Variants in ODAD4 observed in about 807,000 individuals in gnomAD.
The protein encoded by ODAD4 is outer dynein arm-docking complex subunit 4.
A neutral mutation model predicts 51.8 loss-of-function variants in ODAD4; 49 were observed. The observed-to-expected ratio is 0.95, with a 90% CI of 0.75 to 1.20. The LOEUF (loss-of-function observed/expected upper bound fraction) is 1.20. Ranked by LOEUF, ODAD4 falls within the 50% of genes most tolerant of loss-of-function variation. The pLI is 0.00. For missense variants in ODAD4, 590 were observed against 586.5 expected (o/e 1.01, Z -0.06); for synonymous variants, 235 against 221.3 (o/e 1.06, Z -0.55).
rs151042158 is a variant in ODAD4 at position 41,939,371 on chromosome 17, A to G, written c.1058+199A>G. Among the ~76,000 whole-genome samples the G allele has an allele frequency of 1.1e-4, 16 of 152,298 alleles. No homozygotes were observed. The South Asian group carries it at 2.3e-3, about 22-fold the overall frequency. ...CTAGACTGTTAGCTTTTTTGCCACCAAAAGGGTAGTGGCTCAAAATTCCAA... is the reference window on the plus strand; with the variant it reads ...CTAGACTGTTAGCTTTTTTGCCACCGAAAGGGTAGTGGCTCAAAATTCCAA... On this transcript the variant is annotated intron_variant, in intron 7 of 11. Coordinates refer to ENST00000377540, the MANE Select transcript of ODAD4 (RefSeq NM_031421.5).
In ODAD4 at chr17:41,935,320, C is replaced by G; in HGVS notation, c.218C>G (p.Ser73Trp). Residue 73 changes from serine (S) to tryptophan (W), a missense_variant, in exon 2 of 12, where the codon TCG becomes TGG. Around this residue, in one of 3 missense-constraint regions of ODAD4, gnomAD observed 360 missense variants for 407.5 expected, o/e 0.88. Coordinates refer to ENST00000377540, the MANE Select transcript of ODAD4 (RefSeq NM_031421.5). ...LERSLKDAEA[S>W]LQSDPAFCKG... ...AGATCCCTGAAGGATGCTGAGGCTT[C>G]GCTCCAGAGTGACCCAGCTTTCTGT... 3 of 1,613,936 alleles carry G rather than the reference C, an allele frequency of 1.9e-6. No individual in the cohort carries two copies. The highest frequency in any genetic ancestry group is 2.5e-6 in the Non-Finnish European group (3 of 1,179,876).
chr17:41,932,142 T>C (rs138727969), intron 1 of ODAD4, among the ~76,000 whole-genome samples: 3 of 152,136 alleles, frequency 2.0e-5, no homozygotes, highest in African/African-American at 7.2e-5. Context: ...CAATCTCGGC[T>C]CACCCCAACC....
At chr17:41,959,866 G>A (rs1347977229) in intron 10 of ODAD4, among the ~76,000 whole-genome samples, 1 of 152,200 alleles carries the variant, frequency 6.6e-6, no homozygotes, top group Non-Finnish European at 1.5e-5. Flanking sequence ...TCTCATGGCG[G>A]AGAAATCATA....
chr17:41,965,448 A>G lies in ODAD4; in HGVS notation c.1984A>G (p.Lys662Glu). 1 of 773,496 alleles carries G rather than the reference A, an allele frequency of 1.3e-6. No individual in the cohort carries two copies. The highest frequency in any genetic ancestry group is 2.4e-5 in the East Asian group (1 of 41,232). 47.9% of individuals were successfully genotyped at this position (773,496 alleles called of 1,614,324 possible). The change falls in exon 12 of 12, where the codon AAA (lysine) becomes GAA (glutamate). Residue 662 changes from lysine (K) to glutamate (E), a missense_variant. Around this residue, in one of 3 missense-constraint regions of ODAD4, gnomAD observed 226 missense variants for 162.7 expected, o/e 1.39. Coordinates refer to ENST00000377540, the MANE Select transcript of ODAD4 (RefSeq NM_031421.5). The stretch of plus-strand genomic sequence containing the variant: ...ATTTGGAGAAATAGGAGAAACGAAA[A>G]AAACAGGAAATGAGATGGAAAAGGA... ...TQFGEIGETK[K>E]TGNEMEKEYE
intron 10 of ODAD4, among the ~76,000 whole-genome samples, chr17:41,958,427 GA>G (rs2050761346): frequency 1.3e-5 from 2 of 152,076 alleles, no homozygotes. Context: ...TTAGGAGGCC[GA>G]GATGGATGGA....
At chr17:41,932,089 G>A (rs1223438377) in intron 1 of ODAD4, among the ~76,000 whole-genome samples, 1 of 151,682 alleles carries the variant, frequency 6.6e-6, no homozygotes, top group Admixed American at 6.6e-5. Flanking sequence ...TTGTTGTTAA[G>A]ATGGAGTTTT....
At position 41,946,138 on chromosome 17, in the gene ODAD4, G is replaced by A. The variant is rs1269791312; in HGVS notation, c.1145+916G>A. Among the ~76,000 whole-genome samples, 6 of 152,182 alleles carry A rather than the reference G, an allele frequency of 3.9e-5. No homozygotes were observed. In the South Asian group the frequency reaches 1.2e-3, roughly 31 times the overall value. ...GGAAGTGGCATGCATGCTTATCTGAGGCTTTCTTCCTCTCACCAGTGGAGT... is the reference window on the plus strand; with the variant it reads ...GGAAGTGGCATGCATGCTTATCTGAAGCTTTCTTCCTCTCACCAGTGGAGT... On this transcript the variant is annotated intron_variant, in intron 8 of 11. Transcript: ENST00000377540.
At chr17:41,942,483 C>T (rs553274003) in intron 7 of ODAD4, among the ~76,000 whole-genome samples, 2 of 152,342 alleles carry the variant, frequency 1.3e-5, no homozygotes, top group East Asian at 3.9e-4. Flanking sequence ...GAAAAATGGA[C>T]ATATTACAGC....
At chr17:41,935,530 C>G (rs1353891275) in intron 2 of ODAD4, 69 bp from the exon 3 acceptor site, 88 of 1,553,352 alleles carry the variant, frequency 5.7e-5, no homozygotes, top group Non-Finnish European at 7.6e-5. Context: ...CAGGACCCTT[C>G]TGTTCCACCA....
chr17:41,965,014 G>A lies in ODAD4; in HGVS notation c.1550G>A (p.Arg517Lys). 1.4e-6 allele frequency: 1 copy of A among 715,160 alleles called. No individual in the cohort carries two copies. The highest frequency in any genetic ancestry group is 2.6e-6 in the Non-Finnish European group (1 of 385,234). The allele number at this position is 715,160 out of a possible 1,614,324, so 44.3% of individuals were successfully genotyped here. The change falls in exon 12 of 12, where the codon AGA (arginine) becomes AAA (lysine). Residue 517 changes from arginine to lysine, a missense_variant. Arg to Lys is a conservative substitution (Grantham distance 26, BLOSUM62 2). Transcript: ENST00000377540. ...TCAGAAGCTTCACTGTATGAAGATA[G>A]AATAATAACAAGAGAGAAGGACATG... ...SEGEASLYED[R>K]IITREKDMRR...
At chr17:41,959,994 G>T (rs1007898039) in intron 10 of ODAD4, among the ~76,000 whole-genome samples, 2 of 152,226 alleles carry the variant, frequency 1.3e-5, no homozygotes, top group South Asian at 4.1e-4. Context: ...TGGCTTCCAG[G>T]CGAAGAGCAC....
chr17:41,961,113 G>C (rs143517858), intron 10 of ODAD4, among the ~76,000 whole-genome samples: 3 of 152,336 alleles, frequency 2.0e-5, no homozygotes, highest in Admixed American at 6.5e-5. Context: ...GAAATGAGTA[G>C]ATAGACACAA....
intron 8 of ODAD4, among the ~76,000 whole-genome samples, chr17:41,947,622 C>T (rs1200430441): frequency 5.4e-5 from 8 of 147,194 alleles, no homozygotes; most frequent in Non-Finnish European, 7.4e-5. Context: ...GTGGGGAAAC[C>T]CCGTCCCTAT....
intron 7 of ODAD4, among the ~76,000 whole-genome samples, chr17:41,944,197 C>CAA (rs548959105): frequency 1.9e-5 from 2 of 104,530 alleles, no homozygotes; most frequent in African/African-American, 3.5e-5. Context: ...AACTCCGTCT[C>CAA]AAAAAAAAAA....
Position 41,965,171 on chromosome 17 carries a change from G to C in ODAD4, c.1707G>C (p.Val569=). The change falls in exon 12 of 12, where the codon GTG becomes GTC. Residue 569 remains valine, a synonymous_variant. Transcript: ENST00000377540. Reference sequence around the variant, plus strand: ...GCCCAGCAAGCGGAAAGCAGAGTGTGGAAGCAGGAAAAGCCAGAAGCGATT... The same window carrying C: ...GCCCAGCAAGCGGAAAGCAGAGTGTCGAAGCAGGAAAAGCCAGAAGCGATT... ...LQSPASGKQS[V]EAGKARSDLG... The C allele has an allele frequency of 1.3e-6, 1 of 773,478 alleles. No homozygotes were observed. Among genetic ancestry groups the C allele is most frequent in the Non-Finnish European group, 2.4e-6 (1 of 414,604 alleles). 47.9% of individuals were successfully genotyped at this position (773,478 alleles called of 1,614,324 possible).
intron 9 of ODAD4, among the ~76,000 whole-genome samples, chr17:41,952,154 G>A (rs1384433449): frequency 4.6e-5 from 7 of 151,814 alleles, no homozygotes; most frequent in East Asian, 3.9e-4. Flanking sequence ...AGATCACAAG[G>A]TCAGGAGTTC....
chr17:41,935,843 C>T, intron 3 of ODAD4, 94 bp downstream of exon 3: 1 of 1,459,462 alleles, frequency 6.9e-7, no homozygotes, highest in Non-Finnish European at 9.4e-7. Flanking sequence ...GAGCAGCCAC[C>T]ACCAGGCCCG....
intron 11 of ODAD4, 136 bp from the exon 12 acceptor site, chr17:41,964,857 G>T (rs2050854938): frequency 3.4e-6 from 2 of 585,408 alleles, no homozygotes; most frequent in South Asian, 4.2e-5. Context: ...CGCCCAGGCT[G>T]GTCTGGAACT....
chr17:41,963,315 T>G (rs1555642014), intron 11 of ODAD4, among the ~76,000 whole-genome samples: 1 of 152,112 alleles, frequency 6.6e-6, no homozygotes, highest in Admixed American at 6.5e-5. Flanking sequence ...AAAAAAAAAT[T>G]TAGGAGCAAG....
Sources: allele counts gnomAD v4.1 joint callset (sites outside exome capture counted in the v4.1 genomes callset), GRCh38; gene constraint gnomAD v4.1.1; regional missense constraint gnomAD v4.1.1; transcripts MANE v1.5; gene names NCBI Gene and HGNC (gene_info 2026-07-23, HGNC 2026-07-21).